Variants in ATP8B1 observed in about 807,000 individuals in gnomAD.
ATP8B1 encodes ATPase phospholipid transporting 8B1, also known as phospholipid-transporting ATPase IC.
In ATP8B1, 80 loss-of-function variants were observed where a neutral mutation model predicts 149.9. That is an observed-to-expected ratio of 0.53 (90% CI 0.45 to 0.64). The LOEUF (loss-of-function observed/expected upper bound fraction) is 0.64. Ranked by LOEUF, ATP8B1 falls within the 30% of genes least tolerant of loss-of-function variation. The probability of loss-of-function intolerance (pLI) is 0.00; values close to 1 mark genes in which losing one functional copy is unlikely to be tolerated. For missense variants in ATP8B1, 1,247 were observed against 1,552.6 expected, an observed-to-expected ratio of 0.80 and a Z score of 3.31; for synonymous variants, 536 against 562.8, an observed-to-expected ratio of 0.95 and a Z score of 0.67.
chr18:57,742,619 G>A (rs2079926870), intron 1 of ATP8B1, among the ~76,000 whole-genome samples: 1 of 152,016 alleles, frequency 6.6e-6, no homozygotes, highest in South Asian at 2.1e-4. Flanking sequence ...ATCATTTGAG[G>A]CCAGGAGTTC....
chr18:57,675,094 C>T, intron 15 of ATP8B1, 72 bp from the exon 16 acceptor site: 1 of 1,508,334 alleles, frequency 6.6e-7, no homozygotes, highest in Non-Finnish European at 9.1e-7. Flanking sequence ...GAGGCCTCTG[C>T]TGAGGCTCCT....
At chr18:57,772,545 G>A (rs778894487) in intron 1 of ATP8B1, among the ~76,000 whole-genome samples, 1 of 152,188 alleles carries the variant, frequency 6.6e-6, no homozygotes, top group South Asian at 2.1e-4. Flanking sequence ...GGCTGGGAAG[G>A]CCTTGGGTGC....
rs190880300 is a variant in ATP8B1 at position 57,746,688 on chromosome 18, C to G, written c.-25-14856G>C. ...ACAGGGTTTTACCATATTGGCCAGCCTGGTCTCAAACTCCTGACCTCAAGT... is the reference window on the plus strand; with the variant it reads ...ACAGGGTTTTACCATATTGGCCAGCGTGGTCTCAAACTCCTGACCTCAAGT... On this transcript the variant is annotated intron_variant, in intron 1 of 27. Transcript: ENST00000648908. Among the ~76,000 whole-genome samples, 474 of 152,086 alleles carry G rather than the reference C, an allele frequency of 3.1e-3. 6 individuals carry two copies. Among genetic ancestry groups the G allele is most frequent in the African/African-American group, 0.011 (448 of 41,490 alleles).
At chr18:57,765,653 A>C (rs1251251873) in intron 1 of ATP8B1, among the ~76,000 whole-genome samples, 1 of 149,016 alleles carries the variant, frequency 6.7e-6, no homozygotes, top group African/African-American at 2.5e-5. Context: ...TGGGTGACAG[A>C]GTGAGACTCT....
intron 22 of ATP8B1, 124 bp from the exon 23 acceptor site, chr18:57,655,541 G>A (rs1909942725): frequency 1.1e-6 from 1 of 878,756 alleles, no homozygotes; most frequent in African/African-American, 1.7e-5. Flanking sequence ...CAATAATACA[G>A]AAGCTCTTGC....
At chr18:57,779,066 T>C (rs905367430) in intron 1 of ATP8B1, among the ~76,000 whole-genome samples, 1 of 152,178 alleles carries the variant, frequency 6.6e-6, no homozygotes, top group Non-Finnish European at 1.5e-5. Context: ...CTCACACTTG[T>C]AATTCCAGAA....
At chr18:57,710,235 G>C (rs1913624891) in intron 2 of ATP8B1, among the ~76,000 whole-genome samples, 2 of 152,132 alleles carry the variant, frequency 1.3e-5, no homozygotes, top group African/African-American at 4.8e-5. Context: ...TTAGCTAAAA[G>C]CTACAAAGCT....
At chr18:57,712,048 C>CATATATATATATATATATATAT (rs10622264) in intron 2 of ATP8B1, among the ~76,000 whole-genome samples, 3 of 144,388 alleles carry the variant, frequency 2.1e-5, no homozygotes, top group African/African-American at 5.3e-5. Flanking sequence ...CCTCTATTGG[C>CATATATATATATATATATATAT]ATATATATAT....
chr18:57,726,956 G>A (rs554562523), intron 2 of ATP8B1, among the ~76,000 whole-genome samples: 2 of 152,044 alleles, frequency 1.3e-5, no homozygotes, highest in South Asian at 2.1e-4. Context: ...GGCGGGCGCC[G>A]GTAATCCCAG....
chr18:57,679,726 A>G, intron 15 of ATP8B1, among the ~76,000 whole-genome samples: 1 of 152,134 alleles, frequency 6.6e-6, no homozygotes, highest in East Asian at 1.9e-4. Context: ...GCGCAGTGGC[A>G]AAATCTCGGC....
At position 57,652,135 on chromosome 18, in the gene ATP8B1, G is replaced by A; in HGVS notation, c.3299C>T (p.Ala1100Val). 6.2e-7 allele frequency: 1 copy of A among 1,614,014 alleles called. No homozygotes were observed. Among genetic ancestry groups the A allele is most frequent in the Non-Finnish European group, 8.5e-7 (1 of 1,179,932 alleles). The change falls in exon 26 of 28, where the codon GCT becomes GTT. Residue 1100 changes from alanine to valine, a missense_variant. Physicochemically the swap from Ala to Val is moderately conservative, Grantham distance 64. This residue lies in a region of ATP8B1 where 230 missense variants were observed against 356.6 expected (regional missense o/e 0.65). Transcript: ENST00000648908. ...LDTSYWTFVN[A>V]FSIFGSIALY... Reference sequence around the variant, plus strand: ...TGCAATGCTTCCAAAAATTGAAAAAGCATTCACAAAAGTCCAATAAGAAGT... The same window carrying A: ...TGCAATGCTTCCAAAAATTGAAAAAACATTCACAAAAGTCCAATAAGAAGT...
At chr18:57,738,635 TAAAA>T (rs2079882301) in intron 1 of ATP8B1, among the ~76,000 whole-genome samples, 1 of 548 alleles carries the variant, frequency 1.8e-3, no homozygotes, top group African/African-American at 3.0e-3. Flanking sequence ...AATAAATAAA[TAAAA>T]TAAAATAAAA....
At chr18:57,797,703 C>CTTTTTTTTTTTTT (rs59261353) in intron 1 of ATP8B1, among the ~76,000 whole-genome samples, 3 of 96,288 alleles carry the variant, frequency 3.1e-5, no homozygotes, top group African/African-American at 4.2e-5. Context: ...TTCTTTCTTT[C>CTTTTTTTTTTTTT]TTTTTTTTTT....
chr18:57,763,036 G>A (rs940472461), intron 1 of ATP8B1, among the ~76,000 whole-genome samples: 4 of 152,116 alleles, frequency 2.6e-5, no homozygotes, highest in African/African-American at 7.2e-5. Flanking sequence ...TTGAACACAC[G>A]TTTTTTGCAC....
rs1405989128 is a variant in ATP8B1 at position 57,732,261 on chromosome 18, GTGTATATA to G, written c.-25-437_-25-430del. ...TATATATATGTATATATGTATATAT[GTGTATATA>G]TGTATATATGTGTATATATGTATAT... On this transcript the variant is annotated intron_variant, in intron 1 of 27. Transcript: ENST00000648908. Among the ~76,000 whole-genome samples the G allele has an allele frequency of 1.1e-4, 7 of 61,298 alleles. 1 individual carries two copies. The highest frequency in any genetic ancestry group is 3.5e-4 in the African/African-American group (6 of 17,138). 40.2% of individuals were successfully genotyped at this position (61,298 alleles called of 152,430 possible). A position where few individuals can be genotyped will look rare whatever the true frequency, so the allele number is the denominator to read the frequency against.
rs2080596444 is a variant in ATP8B1, at chr18:57,802,929, C to T, written c.-26+69G>A. The T allele has an allele frequency of 6.6e-6, 1 of 152,438 alleles. No homozygotes were observed. The highest frequency in any genetic ancestry group is 6.5e-5 in the Admixed American group (1 of 15,306). The allele number at this position is 152,438 out of a possible 1,614,324, so 9.4% of individuals were successfully genotyped here. A position where few individuals can be genotyped will look rare whatever the true frequency, so the allele number is the denominator to read the frequency against. ...AGTGCGGCGGGAGCGGCCAGGGAAC[C>T]TGCAGGACACCGCCGGGCCAAGGGG... is the stretch of plus-strand genomic sequence containing the variant. On this transcript the variant is annotated intron_variant, in intron 1 of 27. Coordinates refer to ENST00000648908, the MANE Select transcript of ATP8B1 (RefSeq NM_001374385.1). The surrounding 1 kb of genome is among the most constrained non-coding windows in gnomAD (Gnocchi z 4.9).
intron 11 of ATP8B1, among the ~76,000 whole-genome samples, chr18:57,694,235 T>C (rs1331851751): frequency 6.6e-6 from 1 of 152,054 alleles, no homozygotes; most frequent in African/African-American, 2.4e-5. Context: ...TATGGGAAAG[T>C]AACAGCAATG....
At chr18:57,722,257 C>G (rs1295362189) in intron 2 of ATP8B1, among the ~76,000 whole-genome samples, 1 of 150,590 alleles carries the variant, frequency 6.6e-6, no homozygotes, top group East Asian at 2.0e-4. Context: ...CAGAGCAGAA[C>G]TGAAGGAAAT....
At chr18:57,706,837 C>A (rs1024556333) in intron 2 of ATP8B1, among the ~76,000 whole-genome samples, 2 of 152,120 alleles carry the variant, frequency 1.3e-5, no homozygotes, top group Admixed American at 1.3e-4. Context: ...GAAGACGATG[C>A]GAAGTCACAG....
Sources: gnomAD v4.1 joint callset for allele counts (sites outside exome capture counted in the v4.1 genomes callset) on GRCh38, gnomAD v4.1.1 for gene constraint, gnomAD v4.1.1 regional missense constraint, Gnocchi (gnomAD v3.1) non-coding constraint, MANE v1.5 for transcripts, NCBI Gene and HGNC (gene_info 2026-07-23, HGNC 2026-07-21) for gene names.